The following TMEM232 variants were observed in gnomAD, a reference collection of about 807,000 sequenced individuals.
TMEM232 encodes the protein transmembrane protein 232.
A neutral mutation model predicts 78.8 loss-of-function variants in TMEM232; 80 were observed. The observed-to-expected ratio is 1.01, with a 90% CI of 0.85 to 1.22. The LOEUF is 1.22. Among genes scored for constraint, TMEM232 ranks in the 50% most tolerant of loss-of-function variants. TMEM232 has a pLI of 0.00. For missense variants in TMEM232, 881 were observed against 742.2 expected (o/e 1.19, Z -2.17); for synonymous variants, 297 against 254.3 (o/e 1.17, Z -1.60).
intron 1 of TMEM232, among the ~76,000 whole-genome samples, chr5:110,719,458 T>C (rs569754219): frequency 6.6e-4 from 101 of 152,224 alleles, no homozygotes; most frequent in Middle Eastern, 3.4e-3. Flanking sequence ...AAATCTGACA[T>C]CTGCTCCTCT....
At chr5:110,567,341 A>G (rs993212742) in intron 11 of TMEM232, among the ~76,000 whole-genome samples, 1 of 151,698 alleles carries the variant, frequency 6.6e-6, no homozygotes, top group Non-Finnish European at 1.5e-5. Flanking sequence ...TAATTATTAA[A>G]CATGGTTATA....
At chr5:110,489,639 T>C (rs1175291140) in intron 12 of TMEM232, among the ~76,000 whole-genome samples, 3 of 152,144 alleles carry the variant, frequency 2.0e-5, no homozygotes, top group Non-Finnish European at 4.4e-5. Flanking sequence ...TTCAATATTG[T>C]ACTGGAGGTT....
intron 12 of TMEM232, among the ~76,000 whole-genome samples, chr5:110,475,949 G>T (rs1406797113): frequency 6.6e-6 from 1 of 151,930 alleles, no homozygotes; most frequent in East Asian, 1.9e-4. Context: ...TCAGTAATGG[G>T]ACAAAAGAAT....
chr5:110,619,926 AT>A (rs1336456660), intron 7 of TMEM232, among the ~76,000 whole-genome samples: 5 of 152,282 alleles, frequency 3.3e-5, no homozygotes, highest in African/African-American at 9.6e-5. Context: ...TATTAAAAAA[AT>A]AAAAATAAAA....
intron 10 of TMEM232, among the ~76,000 whole-genome samples, chr5:110,602,467 A>G: frequency 6.6e-6 from 1 of 152,072 alleles, no homozygotes; most frequent in Admixed American, 6.6e-5. Flanking sequence ...AAACCCATCA[A>G]CAAGTGGGCA....
At chr5:110,400,243 T>C (rs1299216818) in intron 2 of TMEM232, among the ~76,000 whole-genome samples, 1 of 152,166 alleles carries the variant, frequency 6.6e-6, no homozygotes, top group Non-Finnish European at 1.5e-5. Context: ...CTGTTCCACC[T>C]GTAAAACGTG....
intron 10 of TMEM232, among the ~76,000 whole-genome samples, chr5:110,578,009 A>G (rs1041329935): frequency 1.3e-5 from 2 of 152,018 alleles, no homozygotes; most frequent in African/African-American, 4.8e-5. Flanking sequence ...ACAAAACTGT[A>G]CTTGTATCTC....
intron 10 of TMEM232, among the ~76,000 whole-genome samples, chr5:110,573,699 C>T (rs554960348): frequency 6.6e-6 from 1 of 152,142 alleles, no homozygotes; most frequent in South Asian, 2.1e-4. Context: ...CTACTGTAGA[C>T]AGAATGAGAG....
At chr5:110,605,682 C>T (rs1369337652) in intron 9 of TMEM232, among the ~76,000 whole-genome samples, 1 of 152,078 alleles carries the variant, frequency 6.6e-6, no homozygotes, top group Non-Finnish European at 1.5e-5. Context: ...GTGTGTGACA[C>T]TTTCATTTAT....
intron 2 of TMEM232, among the ~76,000 whole-genome samples, chr5:110,658,608 A>G (rs1358756422): frequency 2.0e-5 from 3 of 152,182 alleles, no homozygotes; most frequent in Admixed American, 6.5e-5. Context: ...GAAACATTCT[A>G]TACTACATTT....
chr5:110,560,152 A>C (rs1015989681), intron 11 of TMEM232, among the ~76,000 whole-genome samples: 4 of 152,222 alleles, frequency 2.6e-5, no homozygotes, highest in African/African-American at 9.6e-5. Flanking sequence ...ACAGTTGTGA[A>C]GCAACTAGAA....
chr5:110,616,614 C>G (rs553863727), intron 8 of TMEM232, among the ~76,000 whole-genome samples: 8 of 151,826 alleles, frequency 5.3e-5, no homozygotes, highest in Admixed American at 1.3e-4. Context: ...AACAAGAAAA[C>G]AAATAGCCCA....
chr5:110,558,360 C>G (rs909849825), intron 11 of TMEM232, among the ~76,000 whole-genome samples: 1 of 152,120 alleles, frequency 6.6e-6, no homozygotes, highest in Non-Finnish European at 1.5e-5. Flanking sequence ...GCCAGAAAAT[C>G]AGTAGGGAAA....
rs148203079 is a variant in TMEM232, at chr5:110,638,276, C to A, written c.423G>T (p.Ala141=). The A allele has an allele frequency of 1.9e-3, 2,966 of 1,550,520 alleles. 56 individuals carry two copies. In the African/African-American group the frequency reaches 0.034, roughly 18 times the overall value. The change falls in exon 5 of 14, where the codon GCG becomes GCT. Residue 141 remains alanine, a synonymous_variant. Transcript: ENST00000455884. ...AACACAGTCTGTATAAAACCGATTCCGCAACAAAAAATAAGGCAGGCAGAT... is the reference window on the plus strand; with the variant it reads ...AACACAGTCTGTATAAAACCGATTCAGCAACAAAAAATAAGGCAGGCAGAT... ...YDHLPALFFV[A]ESVLYRLCCD...
intron 1 of TMEM232, among the ~76,000 whole-genome samples, chr5:110,691,028 C>T (rs560999811): frequency 4.2e-4 from 64 of 151,552 alleles, no homozygotes; most frequent in African/African-American, 1.5e-3. Flanking sequence ...AGTTAGATGA[C>T]AGGCTGATGG....
chr5:110,620,194 A>G (rs1783453113), intron 7 of TMEM232, among the ~76,000 whole-genome samples: 1 of 152,184 alleles, frequency 6.6e-6, no homozygotes, highest in South Asian at 2.1e-4. Flanking sequence ...TGGAGAAATA[A>G]AAAGCATCCT....
At chr5:110,525,681 T>C (rs1017684169) in intron 12 of TMEM232, among the ~76,000 whole-genome samples, 12 of 151,816 alleles carry the variant, frequency 7.9e-5, no homozygotes, top group African/African-American at 2.9e-4. Flanking sequence ...GTAGACAAGC[T>C]AATTCTAAAT....
chr5:110,404,576 A>AG (rs1213908669), intron 2 of TMEM232, among the ~76,000 whole-genome samples: 1 of 152,170 alleles, frequency 6.6e-6, no homozygotes, highest in African/African-American at 2.4e-5. Context: ...AACCATGAAT[A>AG]GAAATTTAAT....
At chr5:110,632,815 G>C (rs1422606948) in intron 5 of TMEM232, among the ~76,000 whole-genome samples, 2 of 152,124 alleles carry the variant, frequency 1.3e-5, no homozygotes, top group Non-Finnish European at 2.9e-5. Flanking sequence ...AAAAGTGAAT[G>C]AAAGGGTTCA....
Sources: allele counts gnomAD v4.1 joint callset (sites outside exome capture counted in the v4.1 genomes callset), GRCh38; gene constraint gnomAD v4.1.1; transcripts MANE v1.5; gene names NCBI Gene and HGNC (gene_info 2026-07-23, HGNC 2026-07-21).